MARK1: variants seen among roughly 807,000 people sequenced by gnomAD.
MARK1 encodes microtubule affinity regulating kinase 1, also known as serine/threonine-protein kinase MARK1.
A neutral mutation model predicts 96.3 loss-of-function variants in MARK1; 40 were observed. The ratio of observed to expected loss-of-function variants is 0.42; its 90% confidence interval spans 0.32 to 0.54. The LOEUF (loss-of-function observed/expected upper bound fraction) is 0.54, where lower values mean the gene tolerates loss of function less well. MARK1 is among the 20% of genes least tolerant of loss of function. MARK1 has a pLI of 0.16. For synonymous variants in MARK1, 317 were observed against 341.2 expected (o/e 0.93, Z 0.78); for missense variants, 719 against 984.6 (o/e 0.73, Z 3.61).
At chr1:220,562,610 C>T (rs1192990796) in intron 1 of MARK1, among the ~76,000 whole-genome samples, 1 of 152,132 alleles carries the variant, frequency 6.6e-6, no homozygotes, top group East Asian at 1.9e-4. Context: ...ACTCCCACCT[C>T]CCTCAACCCA....
At chr1:220,596,365 C>T (rs1249920544) in intron 3 of MARK1, among the ~76,000 whole-genome samples, 1 of 152,134 alleles carries the variant, frequency 6.6e-6, no homozygotes, top group African/African-American at 2.4e-5. Context: ...GAGAGGTTAA[C>T]CCGTATGCTC....
chr1:220,635,620 TTG>T, intron 12 of MARK1, 91 bp downstream of exon 12: 1 of 1,376,824 alleles, frequency 7.3e-7, no homozygotes, highest in Non-Finnish European at 9.9e-7. Flanking sequence ...CTCTATGTGC[TTG>T]TGTTATCTAG....
At chr1:220,541,607 T>A (rs1661152330) in intron 1 of MARK1, among the ~76,000 whole-genome samples, 1 of 152,226 alleles carries the variant, frequency 6.6e-6, no homozygotes, top group Non-Finnish European at 1.5e-5. Context: ...TATGTATTTA[T>A]AATTGTTATA....
chr1:220,644,650 A>G (rs760603318), intron 13 of MARK1, among the ~76,000 whole-genome samples: 15 of 152,180 alleles, frequency 9.9e-5, no homozygotes, highest in Admixed American at 5.2e-4. Flanking sequence ...GCCATGTGGC[A>G]TTTACTCTAA....
chr1:220,617,986 C>T (rs146022763), intron 7 of MARK1, among the ~76,000 whole-genome samples: 2 of 152,174 alleles, frequency 1.3e-5, no homozygotes, highest in Non-Finnish European at 2.9e-5. Flanking sequence ...TATTAAGGTA[C>T]GCTTCCAGGA....
At chr1:220,580,110 TACA>T (rs1664134636) in intron 2 of MARK1, among the ~76,000 whole-genome samples, 3 of 152,116 alleles carry the variant, frequency 2.0e-5, no homozygotes, top group Admixed American at 1.3e-4. Flanking sequence ...ATGCTAGGGT[TACA>T]GACTTTATTT....
intron 1 of MARK1, among the ~76,000 whole-genome samples, chr1:220,570,815 T>C (rs1316979436): frequency 6.6e-6 from 1 of 152,178 alleles, no homozygotes; most frequent in African/African-American, 2.4e-5. Flanking sequence ...ACTTGTAATA[T>C]GAACATTTGG....
At chr1:220,621,154 C>T (rs1667031641) in intron 9 of MARK1, among the ~76,000 whole-genome samples, 1 of 151,820 alleles carries the variant, frequency 6.6e-6, no homozygotes, top group South Asian at 2.1e-4. Flanking sequence ...TTTTGATATG[C>T]ACTTCTTGCT....
intron 1 of MARK1, among the ~76,000 whole-genome samples, chr1:220,535,404 G>T (rs960628284): frequency 6.6e-6 from 1 of 151,918 alleles, no homozygotes; most frequent in African/African-American, 2.4e-5. Context: ...CAACTCCTTT[G>T]CACATTTAAA....
chr1:220,611,243 C>T (rs1318089503), intron 6 of MARK1, among the ~76,000 whole-genome samples: 2 of 152,218 alleles, frequency 1.3e-5, no homozygotes, highest in Non-Finnish European at 2.9e-5. Flanking sequence ...GTTCAAGCTT[C>T]CTGGCTGCTT....
chr1:220,625,760 C>A, intron 9 of MARK1: 1 of 447,254 alleles, frequency 2.2e-6, no homozygotes, highest in South Asian at 1.7e-5. Context: ...CACAGGGCAC[C>A]AGGAGGAAAG....
chr1:220,544,895 A>G (rs1394394366), intron 1 of MARK1, among the ~76,000 whole-genome samples: 2 of 152,166 alleles, frequency 1.3e-5, no homozygotes, highest in Non-Finnish European at 2.9e-5. Flanking sequence ...CTTCATCACA[A>G]TTGAAGATGA....
chr1:220,652,969 T>C (rs1277048187), intron 15 of MARK1, 132 bp from the exon 16 acceptor site: 2 of 988,882 alleles, frequency 2.0e-6, no homozygotes, highest in East Asian at 5.1e-5. Flanking sequence ...AACCCATGTC[T>C]CACATCTCTA....
chr1:220,612,794 C>T lies in MARK1; in HGVS notation c.496-3145C>T, dbSNP rs1666524932. ...AATGTATGTATTAATACTGTGTCAA[C>T]AATAATAAATGTATATACATCCTTG... On this transcript the variant is annotated intron_variant, in intron 6 of 17. Transcript: ENST00000366917. 3.3e-5 allele frequency among the ~76,000 whole-genome samples: 5 copies of T among 151,840 alleles called. No individual in the cohort carries two copies. The South Asian group carries it at 1.0e-3, about 31-fold the overall frequency.
chr1:220,644,314 A>AC (rs930183119), intron 13 of MARK1, among the ~76,000 whole-genome samples: 2 of 152,214 alleles, frequency 1.3e-5, no homozygotes, highest in African/African-American at 4.8e-5. Context: ...GTCAGAAAAG[A>AC]CCAAGAAGGG....
At chr1:220,641,090 GAC>G (rs1379750687) in intron 13 of MARK1, among the ~76,000 whole-genome samples, 52 of 152,318 alleles carry the variant, frequency 3.4e-4, no homozygotes, top group African/African-American at 1.2e-3. Flanking sequence ...GAGTTTTGAA[GAC>G]ACAAATATGT....
At chr1:220,610,559 G>C (rs1054483445) in intron 6 of MARK1, among the ~76,000 whole-genome samples, 1 of 152,142 alleles carries the variant, frequency 6.6e-6, no homozygotes, top group African/African-American at 2.4e-5. Context: ...CTGTCAACTT[G>C]TCAAAGTCGT....
At chr1:220,612,884 T>A (rs900562300) in intron 6 of MARK1, among the ~76,000 whole-genome samples, 3 of 152,086 alleles carry the variant, frequency 2.0e-5, no homozygotes, top group African/African-American at 7.2e-5. Flanking sequence ...CCATTGCCCA[T>A]ACAATGCTTT....
At position 220,547,096 on chromosome 1, in the gene MARK1, A is replaced by C. The variant is rs1024378081; in HGVS notation, c.51+18223A>C. 2.6e-5 allele frequency among the ~76,000 whole-genome samples: 4 copies of C among 152,208 alleles called. 1 individual carries two copies. The highest frequency in any genetic ancestry group is 4.4e-5 in the Non-Finnish European group (3 of 68,022). On this transcript the variant is annotated intron_variant, in intron 1 of 17. Coordinates refer to ENST00000366917, the MANE Select transcript of MARK1 (RefSeq NM_018650.5). ...CTAACCTTTCTTTCTTATGGCTCTT[A>C]CTGGTACATCTCATTTTGGTACCTA...
Sources: gnomAD v4.1 joint callset for allele counts (sites outside exome capture counted in the v4.1 genomes callset) on GRCh38, gnomAD v4.1.1 for gene constraint, MANE v1.5 for transcripts, NCBI Gene and HGNC (gene_info 2026-07-23, HGNC 2026-07-21) for gene names.